Variants in CCDC158 observed in about 807,000 individuals in gnomAD.
The protein encoded by CCDC158 is coiled-coil domain containing 158, also known as coiled-coil domain-containing protein 158.
CCDC158 carries 116 observed loss-of-function variants against 138.6 expected under a neutral mutation model. The ratio of observed to expected loss-of-function variants is 0.84; its 90% CI spans 0.72 to 0.98. The LOEUF is 0.98. Ranked by LOEUF, CCDC158 falls within the 50% of genes least tolerant of loss-of-function variation. CCDC158 has a pLI of 0.00. For synonymous variants in CCDC158, 436 were observed against 442.4 expected, an observed-to-expected ratio of 0.99 and a Z score of 0.18; for missense variants, 1,265 against 1,306.1, an observed-to-expected ratio of 0.97 and a Z score of 0.48.
chr4:76,412,676 G>A (rs1729383307), intron 1 of CCDC158, among the ~76,000 whole-genome samples: 1 of 152,142 alleles, frequency 6.6e-6, no homozygotes, highest in Non-Finnish European at 1.5e-5. Context: ...TGCTTGACAT[G>A]GGAGGCAGAT....
At chr4:76,410,120 T>G (rs2109901595) in intron 2 of CCDC158, among the ~76,000 whole-genome samples, 1 of 152,330 alleles carries the variant, frequency 6.6e-6, no homozygotes. Flanking sequence ...TGATTTCTTT[T>G]TGTATGGCTA....
chr4:76,315,542 A>C (rs1472185428), intron 24 of CCDC158, among the ~76,000 whole-genome samples: 1 of 152,246 alleles, frequency 6.6e-6, no homozygotes. Flanking sequence ...AAATGATAGA[A>C]TAACCCTGCA....
At chr4:76,417,210 A>C (rs1395505711) in intron 1 of CCDC158, among the ~76,000 whole-genome samples, 1 of 152,144 alleles carries the variant, frequency 6.6e-6, no homozygotes, top group East Asian at 1.9e-4. Flanking sequence ...TGGGCCCTGT[A>C]ACTCCTTTGT....
At chr4:76,320,793 T>C (rs1474620995) in intron 24 of CCDC158, among the ~76,000 whole-genome samples, 1 of 152,132 alleles carries the variant, frequency 6.6e-6, no homozygotes, top group Non-Finnish European at 1.5e-5. Context: ...ACCTAAGACC[T>C]GAAACCACAA....
At position 76,351,733 on chromosome 4, in the gene CCDC158, G is replaced by T. The variant is rs201357214; in HGVS notation, c.2525C>A (p.Thr842Asn). The change falls in exon 17 of 25, where the codon ACT (threonine) becomes AAT (asparagine). Residue 842 changes from threonine to asparagine, a missense_variant. By Grantham distance (65) the Thr-to-Asn change is moderately conservative (BLOSUM62 0). Coordinates refer to ENST00000682701, the MANE Select transcript of CCDC158 (RefSeq NM_001394954.1). ...QESVRLKLQH[T>N]LDIKELQGPG... ...TGATGACCTTACTTTTATATCCAAA[G>T]TGTGTTGAAGTTTTAAGCGCACTGA... The T allele has an allele frequency of 1.9e-4, 298 of 1,607,630 alleles. No individual in the cohort carries two copies. The East Asian group carries it at 5.6e-3, about 30-fold the overall frequency.
At chr4:76,342,514 T>C (rs773326690) in intron 18 of CCDC158, among the ~76,000 whole-genome samples, 2 of 152,206 alleles carry the variant, frequency 1.3e-5, no homozygotes, top group Non-Finnish European at 2.9e-5. Flanking sequence ...GAGTTTTCAG[T>C]AAATCTAAGC....
chr4:76,369,405 A>G, intron 11 of CCDC158, 21 bp downstream of exon 11: 1 of 1,610,822 alleles, frequency 6.2e-7, no homozygotes, highest in Non-Finnish European at 8.5e-7. Flanking sequence ...TGGCGATGGC[A>G]CAGCCTGTGC....
intron 18 of CCDC158, among the ~76,000 whole-genome samples, chr4:76,350,388 T>C (rs559528054): frequency 6.6e-6 from 1 of 152,340 alleles, no homozygotes; most frequent in African/African-American, 2.4e-5. Context: ...ACTAATTTAA[T>C]TGATTTTCAT....
chr4:76,336,204 A>AC (rs1721489562), intron 18 of CCDC158, among the ~76,000 whole-genome samples: 2 of 150,838 alleles, frequency 1.3e-5, no homozygotes, highest in South Asian at 2.1e-4. Flanking sequence ...AAAAAAAAAA[A>AC]AAAAACCATT....
intron 1 of CCDC158, among the ~76,000 whole-genome samples, chr4:76,416,776 T>C (rs1290418540): frequency 6.6e-6 from 1 of 152,202 alleles, no homozygotes; most frequent in East Asian, 1.9e-4. Context: ...TCTGCCTAGA[T>C]GTCAGATGTA....
At chr4:76,366,260 A>G (rs1724646167) in intron 12 of CCDC158, among the ~76,000 whole-genome samples, 1 of 152,174 alleles carries the variant, frequency 6.6e-6, no homozygotes, top group South Asian at 2.1e-4. Flanking sequence ...AAAAATGTAT[A>G]TAATCAGGTA....
chr4:76,331,609 G>C (rs1350485774), intron 20 of CCDC158, among the ~76,000 whole-genome samples: 4 of 152,192 alleles, frequency 2.6e-5, no homozygotes, highest in African/African-American at 9.7e-5. Context: ...ATTCAAAAGA[G>C]TGAGAATGGG....
At position 76,334,011 on chromosome 4, in the gene CCDC158, C is replaced by A. The variant is rs1192372749; in HGVS notation, c.2821G>T (p.Val941Leu). Residue 941 changes from valine to leucine, a missense_variant and splice_region_variant, in exon 19 of 25, where the codon GTA (valine) becomes TTA (leucine). Coordinates refer to ENST00000682701, the MANE Select transcript of CCDC158 (RefSeq NM_001394954.1). ...CATTCTGTGTGCACACAGCCTTACA[C>A]AGCCACATACAAGGCTCCCAGAGAT... Reference protein sequence around the residue: ...RTSLGALYVAVEDRVRDCITE... With the variant: ...RTSLGALYVALEDRVRDCITE... 3 of 1,604,944 alleles carry A rather than the reference C, an allele frequency of 1.9e-6. No individual in the cohort carries two copies. The highest frequency in any genetic ancestry group is 2.6e-6 in the Non-Finnish European group (3 of 1,174,590).
chr4:76,378,704 A>G (rs919794848), intron 9 of CCDC158, among the ~76,000 whole-genome samples: 1 of 152,162 alleles, frequency 6.6e-6, no homozygotes, highest in Non-Finnish European at 1.5e-5. Context: ...AAAAGTCTAA[A>G]CTCTGGATAA....
At chr4:76,330,885 A>T (rs1190477398) in intron 21 of CCDC158, among the ~76,000 whole-genome samples, 2 of 152,204 alleles carry the variant, frequency 1.3e-5, no homozygotes, top group Non-Finnish European at 1.5e-5. Context: ...AGAAAGATTC[A>T]AATTCACTGT....
At chr4:76,363,213 G>A (rs997226307) in intron 12 of CCDC158, among the ~76,000 whole-genome samples, 1 of 152,128 alleles carries the variant, frequency 6.6e-6, no homozygotes, top group Admixed American at 6.5e-5. Flanking sequence ...AAAAACCCGG[G>A]CACTGAGGCT....
chr4:76,318,356 AAAG>A (rs1719609916), intron 24 of CCDC158, among the ~76,000 whole-genome samples: 1 of 152,196 alleles, frequency 6.6e-6, no homozygotes, highest in African/African-American at 2.4e-5. Context: ...CAGAAATACA[AAAG>A]ATCATTTAGG....
At chr4:76,371,249 T>C (rs1725208392) in intron 10 of CCDC158, among the ~76,000 whole-genome samples, 168 bp downstream of exon 10, 1 of 152,258 alleles carries the variant, frequency 6.6e-6, no homozygotes. Flanking sequence ...GTATACAGAA[T>C]ATCATATTTT....
chr4:76,348,304 G>T (rs948700380), intron 18 of CCDC158, among the ~76,000 whole-genome samples: 10 of 151,140 alleles, frequency 6.6e-5, no homozygotes, highest in Non-Finnish European at 1.5e-5. Flanking sequence ...GCGAGGTGGT[G>T]GGCACCTGTA....
Sources: gnomAD v4.1 joint callset for allele counts (sites outside exome capture counted in the v4.1 genomes callset) on GRCh38, gnomAD v4.1.1 for gene constraint, MANE v1.5 for transcripts, NCBI Gene and HGNC (gene_info 2026-07-23, HGNC 2026-07-21) for gene names.